Variants in RCSD1 observed in about 807,000 individuals in gnomAD.
RCSD1 encodes capZ-interacting protein.
RCSD1 carries 26 observed loss-of-function variants against 42.5 expected under a neutral mutation model. The observed-to-expected ratio is 0.61, with a 90% CI of 0.45 to 0.85. The LOEUF is 0.85. RCSD1 is among the 40% of genes least tolerant of loss of function. RCSD1 has a pLI of 0.00. For missense variants in RCSD1, 571 were observed against 528.3 expected, an observed-to-expected ratio of 1.08 and a Z score of -0.79; for synonymous variants, 220 against 212.2, an observed-to-expected ratio of 1.04 and a Z score of -0.32.
At chr1:167,702,292 G>A (rs1355991653) in intron 6 of RCSD1, among the ~76,000 whole-genome samples, 1 of 152,158 alleles carries the variant, frequency 6.6e-6, no homozygotes, top group Non-Finnish European at 1.5e-5. Context: ...CACTATAAAG[G>A]GTCACCTTAC....
At chr1:167,679,455 A>G (rs1208758414) in intron 1 of RCSD1, among the ~76,000 whole-genome samples, 1 of 152,228 alleles carries the variant, frequency 6.6e-6, no homozygotes, top group Non-Finnish European at 1.5e-5. Flanking sequence ...TAAGGACATA[A>G]AGGAAGATTC....
At chr1:167,682,193 G>A (rs1422894329) in intron 1 of RCSD1, among the ~76,000 whole-genome samples, 2 of 144,712 alleles carry the variant, frequency 1.4e-5, no homozygotes, top group East Asian at 3.9e-4. Context: ...TTTTTGAGAT[G>A]GAGTCTCATT....
chr1:167,657,211 A>G (rs1265230169), intron 1 of RCSD1, among the ~76,000 whole-genome samples: 2 of 152,238 alleles, frequency 1.3e-5, no homozygotes, highest in Non-Finnish European at 2.9e-5. Context: ...TGGTGAATAC[A>G]TGACTCCTTT....
At chr1:167,703,240 A>G (rs912598878) in intron 6 of RCSD1, among the ~76,000 whole-genome samples, 3 of 152,024 alleles carry the variant, frequency 2.0e-5, no homozygotes, top group African/African-American at 7.2e-5. Context: ...CCTCAGACAC[A>G]TTAACTGTCC....
Position 167,685,469 on chromosome 1 carries a change from C to G in RCSD1, c.157C>G (p.Leu53Val). Residue 53 changes from leucine (L) to valine (V), a missense_variant, in exon 3 of 7, where the codon CTG becomes GTG. Transcript: ENST00000367854. ...TRRKPPCSLPLFPPKVDLGQN... is the reference protein window; with the variant it reads ...TRRKPPCSLPVFPPKVDLGQN... ...AAGGAAACCGCCCTGTTCCCTCCCC[C>G]TGTTCCCCCCCAAGGTAGACCTGGG... 3 of 1,613,974 alleles carry G rather than the reference C, an allele frequency of 1.9e-6. No homozygotes were observed. Among genetic ancestry groups the G allele is most frequent in the Admixed American group, 1.7e-5 (1 of 60,006 alleles).
rs542023856 is a variant in RCSD1 at position 167,696,833 on chromosome 1, G to T, written c.475-266G>T. Reference sequence around the variant, plus strand: ...ATGTTTTACAGTGCAATAAAATCATGAGTTTTTGTTTTTGTTTTTTACTGA... The same window carrying T: ...ATGTTTTACAGTGCAATAAAATCATTAGTTTTTGTTTTTGTTTTTTACTGA... On this transcript the variant is annotated intron_variant, in intron 5 of 6. Transcript: ENST00000367854. 3.5e-4 allele frequency among the ~76,000 whole-genome samples: 54 copies of T among 152,236 alleles called. 1 individual carries two copies. The South Asian group carries it at 3.7e-3, about 11-fold the overall frequency.
At chr1:167,674,928 C>T (rs114952100) in intron 1 of RCSD1, among the ~76,000 whole-genome samples, 1,564 of 152,158 alleles carry the variant, frequency 0.01, 12 homozygotes, top group Middle Eastern at 0.044. Flanking sequence ...CATATCCAGC[C>T]GGGTGCGGTG....
intron 1 of RCSD1, among the ~76,000 whole-genome samples, chr1:167,641,144 G>C (rs925114149): frequency 2.5e-4 from 38 of 152,098 alleles, no homozygotes; most frequent in Non-Finnish European, 2.9e-4. Context: ...TGTTCAGAGA[G>C]CTGCAGTTGG....
intron 2 of RCSD1, among the ~76,000 whole-genome samples, chr1:167,684,282 C>T (rs577324553): frequency 6.6e-6 from 1 of 152,324 alleles, no homozygotes; most frequent in South Asian, 2.1e-4. Context: ...GATCATCCAC[C>T]TATACAGACT....
chr1:167,636,588 TTG>T (rs772435592), intron 1 of RCSD1, among the ~76,000 whole-genome samples: 1 of 150,238 alleles, frequency 6.7e-6, no homozygotes, highest in Non-Finnish European at 1.5e-5. Context: ...TTGTTTTTTT[TTG>T]TTTGTTTGTT....
At chr1:167,704,627 C>A in intron 6 of RCSD1, 37 bp from the exon 7 acceptor site, 1 of 1,598,122 alleles carries the variant, frequency 6.3e-7, no homozygotes, top group East Asian at 2.2e-5. Flanking sequence ...ATTTCCTCAC[C>A]ATTTTCCTAA....
At chr1:167,672,408 C>T (rs1246303667) in intron 1 of RCSD1, among the ~76,000 whole-genome samples, 2 of 152,174 alleles carry the variant, frequency 1.3e-5, no homozygotes, top group Non-Finnish European at 2.9e-5. Flanking sequence ...TTCTGGAGGT[C>T]AAAAGCTCAA....
chr1:167,693,163 G>A (rs1250898521), intron 4 of RCSD1, among the ~76,000 whole-genome samples: 6 of 152,172 alleles, frequency 3.9e-5, no homozygotes, highest in Admixed American at 3.3e-4. Flanking sequence ...TCCCTTCTCT[G>A]TGAAGTCTCA....
chr1:167,643,971 G>A (rs575049390), intron 1 of RCSD1, among the ~76,000 whole-genome samples: 6 of 152,258 alleles, frequency 3.9e-5, no homozygotes, highest in African/African-American at 1.4e-4. Context: ...CAGAGGGGTG[G>A]TTATTGCATC....
intron 1 of RCSD1, among the ~76,000 whole-genome samples, chr1:167,631,916 C>T (rs530032762): frequency 5.9e-5 from 9 of 152,358 alleles, no homozygotes; most frequent in Admixed American, 5.2e-4. Context: ...AGCCAGTTGT[C>T]TTCAAGGAAC....
intron 1 of RCSD1, among the ~76,000 whole-genome samples, chr1:167,671,469 C>G (rs891812271): frequency 6.6e-6 from 1 of 152,220 alleles, no homozygotes; most frequent in Admixed American, 6.5e-5. Context: ...CTCAGCTCTC[C>G]TTACTCCTGC....
intron 1 of RCSD1, among the ~76,000 whole-genome samples, chr1:167,667,336 T>G (rs1226614312): frequency 6.6e-6 from 1 of 152,210 alleles, no homozygotes; most frequent in Non-Finnish European, 1.5e-5. Flanking sequence ...ACCAGAGATG[T>G]GGACTTCAGA....
chr1:167,704,746 G>T lies in RCSD1; in HGVS notation c.*50G>T. On this transcript the variant is annotated 3_prime_UTR_variant, in exon 7 of 7. Coordinates refer to ENST00000367854, the MANE Select transcript of RCSD1 (RefSeq NM_052862.4). ...ATGAAGTTGCTGGACACATCTCTTT[G>T]CAGGTAGCAGCAACAGTTGTAGCAG... The T allele has an allele frequency of 1.3e-6, 2 of 1,564,682 alleles. No homozygotes were observed. The highest frequency in any genetic ancestry group is 8.8e-7 in the Non-Finnish European group (1 of 1,137,314).
chr1:167,637,898 G>A (rs185179989), intron 1 of RCSD1, among the ~76,000 whole-genome samples: 1 of 152,216 alleles, frequency 6.6e-6, no homozygotes, highest in South Asian at 2.1e-4. Flanking sequence ...ATGCACCAGG[G>A]TGGACTGTAG....
Sources: gnomAD v4.1 joint callset for allele counts (sites outside exome capture counted in the v4.1 genomes callset) on GRCh38, gnomAD v4.1.1 for gene constraint, MANE v1.5 for transcripts, NCBI Gene and HGNC (gene_info 2026-07-23, HGNC 2026-07-21) for gene names.